ATG10: variants seen among roughly 807,000 people sequenced by gnomAD.
ATG10 encodes the protein autophagy related 10.
ATG10 carries 30 observed loss-of-function variants against 32.1 expected under a neutral mutation model. That is an observed-to-expected ratio of 0.94 (90% CI 0.70 to 1.27). The LOEUF is 1.27. ATG10 is among the 50% of genes most tolerant of loss of function. The pLI is 0.00. For synonymous variants in ATG10, 87 were observed against 91.5 expected (o/e 0.95, Z 0.28); for missense variants, 233 against 262.3 (o/e 0.89, Z 0.77).
intron 2 of ATG10, among the ~76,000 whole-genome samples, chr5:82,045,245 CACTT>C (rs1763199650): frequency 6.6e-6 from 1 of 152,104 alleles, no homozygotes; most frequent in Admixed American, 6.6e-5. Flanking sequence ...GCCAAAGAAA[CACTT>C]AATACAGAAG....
chr5:82,243,524 T>C (rs1746887142), intron 5 of ATG10, among the ~76,000 whole-genome samples: 2 of 152,140 alleles, frequency 1.3e-5, no homozygotes, highest in Non-Finnish European at 2.9e-5. Context: ...TGTGGCTATA[T>C]TAATATCAGG....
chr5:82,189,308 A>G (rs1188576249), intron 5 of ATG10, among the ~76,000 whole-genome samples: 1 of 152,264 alleles, frequency 6.6e-6, no homozygotes, highest in Non-Finnish European at 1.5e-5. Context: ...GGGAGAGCCA[A>G]TTAAATACAT....
At chr5:82,010,741 G>A (rs145880267) in intron 2 of ATG10, among the ~76,000 whole-genome samples, 1 of 152,252 alleles carries the variant, frequency 6.6e-6, no homozygotes, top group African/African-American at 2.4e-5. Context: ...CATGTCATCT[G>A]ATATAATGAA....
intron 2 of ATG10, among the ~76,000 whole-genome samples, chr5:81,993,428 C>CTT (rs1289203558): frequency 1.5e-4 from 15 of 102,702 alleles, no homozygotes; most frequent in East Asian, 2.8e-4. Flanking sequence ...CTTTTCTTTC[C>CTT]TTCTTTCTTT....
chr5:82,092,278 A>G (rs955581976), intron 3 of ATG10, among the ~76,000 whole-genome samples: 6 of 152,220 alleles, frequency 3.9e-5, no homozygotes, highest in African/African-American at 7.2e-5. Flanking sequence ...GCCAATATAA[A>G]TTAAACTGCT....
At chr5:82,231,846 T>A (rs892198666) in intron 5 of ATG10, among the ~76,000 whole-genome samples, 1 of 152,222 alleles carries the variant, frequency 6.6e-6, no homozygotes, top group African/African-American at 2.4e-5. Context: ...GAGCTATAGC[T>A]GTAACTGGAG....
intron 4 of ATG10, among the ~76,000 whole-genome samples, chr5:82,172,545 G>A (rs1316423648): frequency 6.6e-6 from 1 of 152,114 alleles, no homozygotes; most frequent in Non-Finnish European, 1.5e-5. Context: ...AAATTAGAAG[G>A]TAGTAACTAT....
chr5:82,120,659 G>GTT (rs952178976), intron 3 of ATG10, among the ~76,000 whole-genome samples: 1 of 142,430 alleles, frequency 7.0e-6, no homozygotes, highest in Admixed American at 6.9e-5. Flanking sequence ...ACTTTTTTCT[G>GTT]TTTTTTTTTT....
intron 5 of ATG10, among the ~76,000 whole-genome samples, chr5:82,198,568 C>T (rs781409732): frequency 4.1e-4 from 62 of 152,286 alleles, no homozygotes; most frequent in Admixed American, 7.9e-4. Context: ...CAAGGATGTG[C>T]ACTATCTACA....
At chr5:82,187,015 A>C (rs920005124) in intron 5 of ATG10, among the ~76,000 whole-genome samples, 15 of 152,292 alleles carry the variant, frequency 9.8e-5, no homozygotes, top group Admixed American at 3.9e-4. Context: ...ATTAAGAAAT[A>C]TATGAAGAAT....
intron 3 of ATG10, among the ~76,000 whole-genome samples, chr5:82,094,133 G>C (rs187322827): frequency 1.3e-5 from 2 of 152,088 alleles, no homozygotes; most frequent in African/African-American, 2.4e-5. Context: ...ACTTTGCCTC[G>C]GTTATACCTT....
chr5:82,037,985 G>T (rs890362956), intron 2 of ATG10, among the ~76,000 whole-genome samples: 1 of 151,460 alleles, frequency 6.6e-6, no homozygotes, highest in Non-Finnish European at 1.5e-5. Flanking sequence ...TTTCTTTTTA[G>T]TCTTTATTTA....
At position 82,081,915 on chromosome 5, in the gene ATG10, A is replaced by G. The variant is rs181838433; in HGVS notation, c.216+23313A>G. ...ATTCTGTCTTTTTCTGTTGATTGGA[A>G]TAGTTTCAGAAGGAATGGTACCAGT... On this transcript the variant is annotated intron_variant, in intron 3 of 7. Coordinates refer to ENST00000282185, the MANE Select transcript of ATG10 (RefSeq NM_031482.5). Among the ~76,000 whole-genome samples, 575 of 152,316 alleles carry G rather than the reference A, an allele frequency of 3.8e-3. 2 individuals are homozygous for G. The highest frequency in any genetic ancestry group is 0.013 in the African/African-American group (545 of 41,572).
rs566626196 is a variant in ATG10 at position 82,013,231 on chromosome 5, G to A, written c.108+25553G>A. Among the ~76,000 whole-genome samples the A allele has an allele frequency of 6.3e-3, 963 of 152,260 alleles. 7 individuals carry two copies. The highest frequency in any genetic ancestry group is 9.7e-3 in the Non-Finnish European group (659 of 68,022). On this transcript the variant is annotated intron_variant, in intron 2 of 7. Coordinates refer to ENST00000282185, the MANE Select transcript of ATG10 (RefSeq NM_031482.5). ...CTCCCAAAGTGCTGGGAGTACATGG[G>A]TGAGCCACCGCATCCGGCCCATTGT...
At chr5:82,013,377 G>A (rs1420213479) in intron 2 of ATG10, among the ~76,000 whole-genome samples, 1 of 152,166 alleles carries the variant, frequency 6.6e-6, no homozygotes, top group African/African-American at 2.4e-5. Flanking sequence ...ATTCCACCCA[G>A]CTTGCTGCAA....
intron 3 of ATG10, among the ~76,000 whole-genome samples, chr5:82,061,729 AG>A (rs1268434673): frequency 6.8e-6 from 1 of 147,856 alleles, no homozygotes; most frequent in Non-Finnish European, 1.5e-5. Flanking sequence ...ATTATAAAAA[AG>A]TATGGGTGTA....
intron 5 of ATG10, among the ~76,000 whole-genome samples, chr5:82,204,209 A>G (rs1745194400): frequency 6.6e-6 from 1 of 152,102 alleles, no homozygotes; most frequent in Non-Finnish European, 1.5e-5. Context: ...GTTTTATATA[A>G]CACCTTCCAA....
intron 5 of ATG10, among the ~76,000 whole-genome samples, chr5:82,216,172 A>G (rs1176862505): frequency 6.6e-6 from 1 of 152,216 alleles, no homozygotes; most frequent in Non-Finnish European, 1.5e-5. Context: ...AGAAAATAGA[A>G]ACTGCAGAAA....
At chr5:82,242,799 C>A (rs1382964122) in intron 5 of ATG10, 3 of 449,168 alleles carry the variant, frequency 6.7e-6, no homozygotes, top group African/African-American at 2.0e-5. Flanking sequence ...ACCTACAGAT[C>A]TTCACCAAGA....
Sources: gnomAD v4.1 joint callset for allele counts (sites outside exome capture counted in the v4.1 genomes callset) on GRCh38, gnomAD v4.1.1 for gene constraint, MANE v1.5 for transcripts, NCBI Gene and HGNC (gene_info 2026-07-23, HGNC 2026-07-21) for gene names.